Variants in PTPRN2 observed in about 807,000 individuals in gnomAD.
The protein encoded by PTPRN2 is protein tyrosine phosphatase receptor type N2.
In PTPRN2, 74 loss-of-function variants were observed where a neutral mutation model predicts 118.8. That is an observed-to-expected ratio of 0.62 (90% CI 0.52 to 0.76). PTPRN2 has a LOEUF of 0.76. Ranked by LOEUF, PTPRN2 falls within the 30% of genes least tolerant of loss-of-function variation. The probability of loss-of-function intolerance (pLI) is 0.00; values close to 1 mark genes in which losing one functional copy is unlikely to be tolerated. For missense variants in PTPRN2, 1,481 were observed against 1,394.4 expected (o/e 1.06, Z -0.99); for synonymous variants, 641 against 608.0 (o/e 1.05, Z -0.80).
intron 11 of PTPRN2, among the ~76,000 whole-genome samples, chr7:157,906,806 G>A (rs1386272338): frequency 1.3e-5 from 2 of 152,150 alleles, no homozygotes; most frequent in Non-Finnish European, 2.9e-5. Context: ...GGGAGGGGCA[G>A]GGTAGGAAGG....
chr7:157,865,732 T>C (rs1485702850), intron 12 of PTPRN2: 2 of 152,186 alleles, frequency 1.3e-5, no homozygotes, highest in African/African-American at 2.4e-5. Context: ...TTTTGTGCGG[T>C]ATTTGCCTGT....
At chr7:158,042,036 A>G (rs6459830) in intron 11 of PTPRN2, among the ~76,000 whole-genome samples, 77,300 of 152,064 alleles carry the variant, frequency 0.51, 20,322 homozygotes, top group Non-Finnish European at 0.56. Context: ...AAAGAAAGAT[A>G]TCTGTATCAC....
At chr7:157,745,807 A>C (rs1481149762) in intron 12 of PTPRN2, among the ~76,000 whole-genome samples, 1 of 152,164 alleles carries the variant, frequency 6.6e-6, no homozygotes, top group Non-Finnish European at 1.5e-5. Context: ...CGGTAAATGA[A>C]ACCTAACATG....
chr7:158,206,857 T>C (rs55917540), intron 3 of PTPRN2, among the ~76,000 whole-genome samples: 26,464 of 150,766 alleles, frequency 0.18, 2,542 homozygotes, highest in Non-Finnish European at 0.22. Context: ...GTGCACATTG[T>C]ACAGGTTAGT....
chr7:158,373,822 C>T lies in PTPRN2; in HGVS notation c.164-56890G>A, dbSNP rs559793174. On this transcript the variant is annotated intron_variant, in intron 2 of 22. Transcript: ENST00000389418. ...GGCCAGGAAAGGGAGACGCTCTCATCCGGCAGCATCTGGGCGCCCTCTCTG... is the reference window on the plus strand; with the variant it reads ...GGCCAGGAAAGGGAGACGCTCTCATTCGGCAGCATCTGGGCGCCCTCTCTG... Among the ~76,000 whole-genome samples, 22 of 152,304 alleles carry T rather than the reference C, an allele frequency of 1.4e-4. No individual in the cohort carries two copies. In the East Asian group the frequency reaches 2.7e-3, roughly 19 times the overall value.
intron 12 of PTPRN2, among the ~76,000 whole-genome samples, chr7:157,828,038 C>A (rs1807302973): frequency 6.6e-6 from 1 of 152,202 alleles, no homozygotes; most frequent in South Asian, 2.1e-4. Flanking sequence ...GTGGGACCTG[C>A]CTGCCTTCAC....
At chr7:158,458,999 A>T (rs1232049936) in intron 2 of PTPRN2, among the ~76,000 whole-genome samples, 2 of 152,198 alleles carry the variant, frequency 1.3e-5, no homozygotes, top group Non-Finnish European at 2.9e-5. Flanking sequence ...AGACGGCAAC[A>T]TCTGTGGGGG....
intron 5 of PTPRN2, among the ~76,000 whole-genome samples, chr7:158,178,747 G>A (rs767888498): frequency 1.1e-4 from 16 of 151,658 alleles, no homozygotes; most frequent in African/African-American, 3.4e-4. Flanking sequence ...ACAGGCACCC[G>A]CCACCACGCC....
rs1333043011 is a variant in PTPRN2, at chr7:158,287,582, G to A, written c.277+29237C>T. On this transcript the variant is annotated intron_variant, in intron 3 of 22. Coordinates refer to ENST00000389418, the MANE Select transcript of PTPRN2 (RefSeq NM_002847.5). ...TTTTAATTTCTTCTTTGACATATTGGTGGTTCAGAAGCATGTTGTTCAATT... is the reference window on the plus strand; with the variant it reads ...TTTTAATTTCTTCTTTGACATATTGATGGTTCAGAAGCATGTTGTTCAATT... Among the ~76,000 whole-genome samples, 9 of 152,004 alleles carry A rather than the reference G, an allele frequency of 5.9e-5. 1 individual carries two copies. In the East Asian group the frequency reaches 1.4e-3, roughly 23 times the overall value.
intron 5 of PTPRN2, among the ~76,000 whole-genome samples, chr7:158,171,306 C>CACATACAT (rs1300735031): frequency 3.0e-5 from 1 of 33,426 alleles, no homozygotes; most frequent in African/African-American, 1.0e-4. Context: ...TATATATACA[C>CACATACAT]ACATATATAT....
chr7:158,007,999 C>T (rs1196612631), intron 11 of PTPRN2, among the ~76,000 whole-genome samples: 5 of 123,722 alleles, frequency 4.0e-5, no homozygotes, highest in Non-Finnish European at 8.3e-5. Context: ...GGGGTATGTA[C>T]TTGTGCACGT....
intron 3 of PTPRN2, among the ~76,000 whole-genome samples, chr7:158,268,321 C>T (rs377107386): frequency 7.9e-4 from 118 of 150,014 alleles, no homozygotes; most frequent in South Asian, 3.8e-3. Flanking sequence ...ATATCCCAGC[C>T]GCACGCACAC....
intron 12 of PTPRN2, among the ~76,000 whole-genome samples, chr7:157,752,755 C>T (rs2150990099): frequency 6.6e-6 from 1 of 152,356 alleles, no homozygotes; most frequent in East Asian, 1.9e-4. Flanking sequence ...GAACAGAGGA[C>T]ACCCATCAAA....
intron 1 of PTPRN2, among the ~76,000 whole-genome samples, chr7:158,516,343 A>G (rs571526193): frequency 3.3e-5 from 5 of 152,226 alleles, no homozygotes; most frequent in Non-Finnish European, 5.9e-5. Flanking sequence ...ATTTTAAAAA[A>G]TAAATGAAAA....
chr7:157,848,793 C>T (rs1040468027), intron 12 of PTPRN2, among the ~76,000 whole-genome samples: 2 of 152,232 alleles, frequency 1.3e-5, no homozygotes, highest in Admixed American at 6.5e-5. Flanking sequence ...AATGGTGGCC[C>T]GCACCCTGCA....
chr7:157,762,018 G>GAA (rs1375147424), intron 12 of PTPRN2, among the ~76,000 whole-genome samples: 1 of 152,180 alleles, frequency 6.6e-6, no homozygotes, highest in Middle Eastern at 3.2e-3. Flanking sequence ...GGCCATCAGA[G>GAA]AAATGCAAAT....
chr7:157,803,983 C>G lies in PTPRN2; in HGVS notation c.1788+94690G>C, dbSNP rs1293986085. Among the ~76,000 whole-genome samples the G allele has an allele frequency of 2.6e-5, 4 of 152,074 alleles. No homozygotes were observed. In the East Asian group the frequency reaches 7.7e-4, roughly 29 times the overall value. ...AATAATAAACATTTTCTAAAAGTTC[C>G]TCAAGAAAAACTATTGAAATTATTT... On this transcript the variant is annotated intron_variant, in intron 12 of 22. Coordinates refer to ENST00000389418, the MANE Select transcript of PTPRN2 (RefSeq NM_002847.5).
intron 1 of PTPRN2, among the ~76,000 whole-genome samples, chr7:158,520,097 T>G (rs1208612565): frequency 2.0e-5 from 3 of 152,230 alleles, no homozygotes; most frequent in African/African-American, 2.4e-5. Flanking sequence ...TCATTTCTTT[T>G]AACAAAACAA....
chr7:157,986,907 A>G lies in PTPRN2; in HGVS notation c.1724-88170T>C, dbSNP rs1191353091. Among the ~76,000 whole-genome samples the G allele has an allele frequency of 6.6e-6, 1 of 152,086 alleles. No homozygotes were observed. Among genetic ancestry groups the G allele is most frequent in the African/African-American group, 2.4e-5 (1 of 41,422 alleles). On this transcript the variant is annotated intron_variant, in intron 11 of 22. Coordinates refer to ENST00000389418, the MANE Select transcript of PTPRN2 (RefSeq NM_002847.5). This position sits in a 1 kb window ranked among gnomAD's most constrained non-coding sequence, Gnocchi z 4.5. ...GAGTGAATCTGGAGCGAGGGGGCCC[A>G]GTGACTTTGGGGTCATTTGCACGGT...
Sources: allele counts gnomAD v4.1 joint callset (sites outside exome capture counted in the v4.1 genomes callset), GRCh38; gene constraint gnomAD v4.1.1; non-coding constraint Gnocchi (gnomAD v3.1); transcripts MANE v1.5; gene names NCBI Gene and HGNC (gene_info 2026-07-23, HGNC 2026-07-21).